Variants in CDX2 observed in about 807,000 individuals in gnomAD.
CDX2 encodes the protein caudal type homeobox 2.
In CDX2, 7 loss-of-function variants were observed where a neutral mutation model predicts 25.5. The ratio of observed to expected loss-of-function variants is 0.27; its 90% CI spans 0.16 to 0.52. The LOEUF is 0.52. Among genes scored for constraint, CDX2 ranks in the 20% least tolerant of loss-of-function variants. The pLI, the probability that CDX2 is intolerant of heterozygous loss-of-function variation, is 0.97. For synonymous variants in CDX2, 222 were observed against 198.6 expected, an observed-to-expected ratio of 1.12 and a Z score of -0.99; for missense variants, 375 against 431.4, an observed-to-expected ratio of 0.87 and a Z score of 1.16.
chr13:27,965,118 A>AC, intron 1 of CDX2, 103 bp from the exon 2 acceptor site: 1 of 1,284,306 alleles, frequency 7.8e-7, no homozygotes. Flanking sequence ...TTCCTCCACC[A>AC]CCCTGGGGGG....
In CDX2 at chr13:27,969,089, G is replaced by C. The variant is rs1165126725; in HGVS notation, c.-83C>G. 4 of 1,100,376 alleles carry C rather than the reference G, an allele frequency of 3.6e-6. No homozygotes were observed. The highest frequency in any genetic ancestry group is 2.7e-5 in the East Asian group (1 of 37,484). 68.2% of individuals were successfully genotyped at this position (1,100,376 alleles called of 1,614,324 possible). ...CTGCCGGGGGGCACGAAGGGAAAGG[G>C]GCGAGGGGACTCGAGGAGCGGCGGG... On this transcript the variant is annotated 5_prime_UTR_variant, in exon 1 of 3. Coordinates refer to ENST00000381020, the MANE Select transcript of CDX2 (RefSeq NM_001265.6).
chr13:27,967,196 C>T, intron 1 of CDX2: 2 of 453,746 alleles, frequency 4.4e-6, no homozygotes, highest in South Asian at 3.4e-5. Context: ...TCTGGGAGCC[C>T]CTGCTAGGAG....
In CDX2 at chr13:27,964,819, T is replaced by C. The variant is rs1172069428; in HGVS notation, c.687+51A>G. ...CTGCAGCCAGATTTTCTAACTCTCA[T>C]GGTCCTCTGCCAGGCAGTGGCCCGC... On this transcript the variant is annotated intron_variant, in intron 2 of 2. Coordinates refer to ENST00000381020, the MANE Select transcript of CDX2 (RefSeq NM_001265.6). The surrounding 1 kb of genome is among the most constrained non-coding windows in gnomAD (Gnocchi z 4.7). 6.3e-7 allele frequency: 1 copy of C among 1,593,074 alleles called. No homozygotes were observed.
At position 27,964,726 on chromosome 13, in the gene CDX2, A is replaced by G. The variant is rs1869225833; in HGVS notation, c.687+144T>C. ...CTCTGTTTAAAAAAAAAAAAAAAAA[A>G]AAAAAGGACTCCAAAGACGAATGCT... On this transcript the variant is annotated intron_variant, in intron 2 of 2. Transcript: ENST00000381020. The surrounding 1 kb of genome is among the most constrained non-coding windows in gnomAD (Gnocchi z 4.7). The G allele has an allele frequency of 1.0e-5, 7 of 686,600 alleles. No homozygotes were observed. Among genetic ancestry groups the G allele is most frequent in the Admixed American group, 3.0e-5 (1 of 33,858 alleles). The allele number at this position is 686,600 out of a possible 1,614,324, so 42.5% of individuals were successfully genotyped here.
Position 27,961,866 on chromosome 13 carries a change from G to T in CDX2, c.*1249C>A, listed in dbSNP as rs1390808898. 1.3e-5 allele frequency among the ~76,000 whole-genome samples: 2 copies of T among 151,464 alleles called. No individual in the cohort carries two copies. Among genetic ancestry groups the T allele is most frequent in the Non-Finnish European group, 2.9e-5 (2 of 67,826 alleles). The stretch of plus-strand genomic sequence containing the variant: ...CACCCCCCATAATTTCTGACTGCTG[G>T]GAAGCACCTGGCCATTCAGATGTGC... On this transcript the variant is annotated 3_prime_UTR_variant, in exon 3 of 3. Transcript: ENST00000381020.
chr13:27,966,739 G>A (rs1869347248), intron 1 of CDX2, among the ~76,000 whole-genome samples: 2 of 152,158 alleles, frequency 1.3e-5, no homozygotes, highest in African/African-American at 4.8e-5. Flanking sequence ...ATGGAGGGGA[G>A]GGATGAGAGG....
Position 27,968,090 on chromosome 13 carries a change from G to A in CDX2, c.541+376C>T, listed in dbSNP as rs74041505. Among the ~76,000 whole-genome samples, 816 of 152,348 alleles carry A rather than the reference G, an allele frequency of 5.4e-3. 8 individuals are homozygous for A. Among genetic ancestry groups the A allele is most frequent in the African/African-American group, 0.019 (794 of 41,594 alleles). ...TTCGAGCCTCCCTCTCTCCTCGGCG[G>A]CCAGGAGCCACGCAAGGAATGCATG... On this transcript the variant is annotated intron_variant, in intron 1 of 2. Transcript: ENST00000381020.
Position 27,964,494 on chromosome 13 carries a change from T to C in CDX2, c.687+376A>G, listed in dbSNP as rs964037526. 6.6e-6 allele frequency among the ~76,000 whole-genome samples: 1 copy of C among 151,904 alleles called. No homozygotes were observed. The highest frequency in any genetic ancestry group is 1.5e-5 in the Non-Finnish European group (1 of 67,986). On this transcript the variant is annotated intron_variant, in intron 2 of 2. Transcript: ENST00000381020. The surrounding 1 kb of genome is among the most constrained non-coding windows in gnomAD (Gnocchi z 4.7). ...TTAGGAGTCCAAGACAGGAGGAGCA[T>C]TTGGAGTTTGAGACCAACCTGGGTA...
intron 1 of CDX2, chr13:27,967,284 G>C (rs118170523): frequency 1.4e-5 from 7 of 511,032 alleles, no homozygotes; most frequent in Non-Finnish European, 2.3e-5. Context: ...CCTTCTCCCC[G>C]GTCGGCGGCA....
intron 1 of CDX2, among the ~76,000 whole-genome samples, chr13:27,965,237 G>T (rs1343933348): frequency 6.6e-6 from 1 of 152,190 alleles, no homozygotes; most frequent in Non-Finnish European, 1.5e-5. Flanking sequence ...GTATTAAGTG[G>T]TTTTTAAAAA....
chr13:27,967,190 G>A (rs773911341), intron 1 of CDX2: 1 of 446,108 alleles, frequency 2.2e-6, no homozygotes, highest in Non-Finnish European at 4.4e-6. Context: ...CCAGGATCTG[G>A]GAGCCCCTGC....
chr13:27,966,587 G>A (rs1423852482), intron 1 of CDX2, among the ~76,000 whole-genome samples: 1 of 152,156 alleles, frequency 6.6e-6, no homozygotes, highest in Admixed American at 6.5e-5. Flanking sequence ...AAGTGTCTCG[G>A]AGCGACCCTT....
chr13:27,966,991 G>T (rs2137541673), intron 1 of CDX2, among the ~76,000 whole-genome samples: 1 of 152,242 alleles, frequency 6.6e-6, no homozygotes, highest in Non-Finnish European at 1.5e-5. Context: ...CCACCTCGGC[G>T]CAGGACTTCA....
chr13:27,969,023 G>T lies in CDX2; in HGVS notation c.-17C>A. ...CACGTACATGGTGGCGAGGGTCCGG[G>T]AGCAGACCTCACCATGCTGCCTGGG... is the stretch of plus-strand genomic sequence containing the variant. On this transcript the variant is annotated 5_prime_UTR_variant, in exon 1 of 3. Coordinates refer to ENST00000381020, the MANE Select transcript of CDX2 (RefSeq NM_001265.6). The T allele has an allele frequency of 6.3e-7, 1 of 1,579,896 alleles. No homozygotes were observed. The highest frequency in any genetic ancestry group is 1.1e-5 in the South Asian group (1 of 90,100).
At chr13:27,963,692 G>T (rs992514377) in intron 2 of CDX2, among the ~76,000 whole-genome samples, 3 of 152,202 alleles carry the variant, frequency 2.0e-5, no homozygotes, top group African/African-American at 7.2e-5. Flanking sequence ...ACACAGCAAA[G>T]GGAGGCCAGT....
chr13:27,964,743 A>C lies in CDX2; in HGVS notation c.687+127T>G, dbSNP rs965882389. 4.5e-5 allele frequency: 35 copies of C among 779,152 alleles called. 1 individual carries two copies. Among genetic ancestry groups the C allele is most frequent in the East Asian group, 2.6e-4 (10 of 38,988 alleles). The allele number at this position is 779,152 out of a possible 1,614,324, so 48.3% of individuals were successfully genotyped here. On this transcript the variant is annotated intron_variant, in intron 2 of 2. Coordinates refer to ENST00000381020, the MANE Select transcript of CDX2 (RefSeq NM_001265.6). The surrounding 1 kb of genome is among the most constrained non-coding windows in gnomAD (Gnocchi z 4.7). ...AAAAAAAAAAAAAAGGACTCCAAAGACGAATGCTTGCATCCTCCTGCTTCA... is the reference window on the plus strand; with the variant it reads ...AAAAAAAAAAAAAAGGACTCCAAAGCCGAATGCTTGCATCCTCCTGCTTCA...
At position 27,961,914 on chromosome 13, in the gene CDX2, G is replaced by A. The variant is rs937575114; in HGVS notation, c.*1201C>T. On this transcript the variant is annotated 3_prime_UTR_variant, in exon 3 of 3. Transcript: ENST00000381020. ...TGCATTTTGCCCAAAGGCACCCCCA[G>A]GAGAGCCACGCATTCCAAGGCTGGG... Among the ~76,000 whole-genome samples, 30 of 151,878 alleles carry A rather than the reference G, an allele frequency of 2.0e-4. No individual in the cohort carries two copies. Among genetic ancestry groups the A allele is most frequent in the South Asian group, 1.0e-3 (5 of 4,798 alleles).
chr13:27,969,017 G>T lies in CDX2; in HGVS notation c.-11C>A. 3 of 1,588,400 alleles carry T rather than the reference G, an allele frequency of 1.9e-6. No homozygotes were observed. The highest frequency in any genetic ancestry group is 2.6e-6 in the Non-Finnish European group (3 of 1,172,960). On this transcript the variant is annotated 5_prime_UTR_variant, in exon 1 of 3. Coordinates refer to ENST00000381020, the MANE Select transcript of CDX2 (RefSeq NM_001265.6). Reference sequence around the variant, plus strand: ...GTAGCTCACGTACATGGTGGCGAGGGTCCGGGAGCAGACCTCACCATGCTG... The same window carrying T: ...GTAGCTCACGTACATGGTGGCGAGGTTCCGGGAGCAGACCTCACCATGCTG...
At chr13:27,966,327 T>C (rs562924322) in intron 1 of CDX2, among the ~76,000 whole-genome samples, 3 of 152,200 alleles carry the variant, frequency 2.0e-5, no homozygotes, top group Non-Finnish European at 2.9e-5. Context: ...GCTATGAAAG[T>C]AAAGGGAACT....
Sources: gnomAD v4.1 joint callset for allele counts (sites outside exome capture counted in the v4.1 genomes callset) on GRCh38, gnomAD v4.1.1 for gene constraint, Gnocchi (gnomAD v3.1) non-coding constraint, MANE v1.5 for transcripts, NCBI Gene and HGNC (gene_info 2026-07-23, HGNC 2026-07-21) for gene names.